Variants in FER observed in about 807,000 individuals in gnomAD.
FER encodes the protein FER tyrosine kinase, also known as tyrosine-protein kinase Fer.
A neutral mutation model predicts 111.0 loss-of-function variants in FER; 63 were observed. That is an observed-to-expected ratio of 0.57 (90% CI 0.46 to 0.70). The LOEUF (loss-of-function observed/expected upper bound fraction) is 0.70. FER is among the 30% of genes least tolerant of loss of function. The probability of loss-of-function intolerance (pLI) is 0.00; values close to 1 mark genes in which losing one functional copy is unlikely to be tolerated. For missense variants in FER, 914 were observed against 954.0 expected (o/e 0.96, Z 0.55); for synonymous variants, 327 against 313.9 (o/e 1.04, Z -0.44).
At chr5:108,930,911 G>T (rs1754578232) in intron 10 of FER, among the ~76,000 whole-genome samples, 1 of 151,832 alleles carries the variant, frequency 6.6e-6, no homozygotes, top group South Asian at 2.1e-4. Context: ...AACGCCCCTG[G>T]CCCAACTCAT....
At chr5:108,804,698 T>C (rs1366472906) in intron 3 of FER, among the ~76,000 whole-genome samples, 1 of 152,220 alleles carries the variant, frequency 6.6e-6, no homozygotes, top group African/African-American at 2.4e-5. Context: ...TGGATCATGA[T>C]GAATTAATTT....
At position 109,094,574 on chromosome 5, in the gene FER, C is replaced by T. The variant is rs138737509; in HGVS notation, c.1925-5822C>T. 5.9e-3 allele frequency among the ~76,000 whole-genome samples: 890 copies of T among 152,060 alleles called. 9 individuals carry two copies. Among genetic ancestry groups the T allele is most frequent in the Admixed American group, 8.8e-3 (134 of 15,256 alleles). On this transcript the variant is annotated intron_variant, in intron 16 of 19. Transcript: ENST00000281092. ...AGTGGTTGACAAATTTTTTTTATAA[C>T]GGGCCAGATAATAAAATGTTAAGGT...
At position 108,928,953 on chromosome 5, in the gene FER, A is replaced by G. The variant is rs1754176181; in HGVS notation, c.1237-17177A>G. 2.0e-5 allele frequency among the ~76,000 whole-genome samples: 3 copies of G among 152,152 alleles called. No homozygotes were observed. In the South Asian group the frequency reaches 6.2e-4, roughly 32 times the overall value. On this transcript the variant is annotated intron_variant, in intron 10 of 19. Coordinates refer to ENST00000281092, the MANE Select transcript of FER (RefSeq NM_005246.4). ...GTCTTTATAGTTTACTTTTTATTAT[A>G]TTTTTCTATGGATTTAAAAATGTTT...
At chr5:108,982,896 A>G (rs559070979) in intron 13 of FER, among the ~76,000 whole-genome samples, 75 of 152,094 alleles carry the variant, frequency 4.9e-4, no homozygotes, top group African/African-American at 1.8e-3. Context: ...TTTCTCATCC[A>G]TAAAATGGTG....
intron 18 of FER, 54 bp from the exon 19 acceptor site, chr5:109,186,146 T>C: frequency 5.0e-6 from 8 of 1,612,904 alleles, no homozygotes; most frequent in Non-Finnish European, 5.9e-6. Flanking sequence ...CCAGGAAGGG[T>C]CACCTACTTG....
chr5:108,850,289 T>G (rs754150795), intron 5 of FER, among the ~76,000 whole-genome samples: 1 of 152,178 alleles, frequency 6.6e-6, no homozygotes, highest in Non-Finnish European at 1.5e-5. Flanking sequence ...TTCTGTATGA[T>G]ATCTATAATA....
chr5:109,045,223 C>T (rs1375524291), intron 15 of FER, among the ~76,000 whole-genome samples: 3 of 151,550 alleles, frequency 2.0e-5, no homozygotes, highest in Non-Finnish European at 4.4e-5. Context: ...TTTCTGAGAA[C>T]CTCAGATTTC....
chr5:109,066,486 A>T (rs1011701686), intron 16 of FER, among the ~76,000 whole-genome samples: 1 of 152,158 alleles, frequency 6.6e-6, no homozygotes, highest in African/African-American at 2.4e-5. Context: ...TATACTTCTA[A>T]ATTCTTTTTA....
Position 109,194,582 on chromosome 5 carries a change from A to G in FER, c.*7007A>G, listed in dbSNP as rs961234015. 1 of 152,212 alleles carries G rather than the reference A, an allele frequency of 6.6e-6. No individual in the cohort carries two copies. The highest frequency in any genetic ancestry group is 6.5e-5 in the Admixed American group (1 of 15,272). 9.4% of individuals were successfully genotyped at this position (152,212 alleles called of 1,614,324 possible). ...GACAATAGAAATCCCACTTTACCCC[A>G]CTGTCATCAGTTAGAACACCCTTGC... On this transcript the variant is annotated 3_prime_UTR_variant, in exon 20 of 20. Transcript: ENST00000281092.
intron 13 of FER, among the ~76,000 whole-genome samples, chr5:108,971,291 A>C (rs1760628428): frequency 6.7e-6 from 1 of 150,314 alleles, no homozygotes; most frequent in African/African-American, 2.4e-5. Context: ...AAAAAAAAAA[A>C]AAAAACCCAG....
rs1756251748 is a variant in FER, at chr5:108,798,146, AC to A, written c.-36del. 1 of 1,515,434 alleles carries A rather than the reference AC, an allele frequency of 6.6e-7. No individual in the cohort carries two copies. Among genetic ancestry groups the A allele is most frequent in the Non-Finnish European group, 9.2e-7 (1 of 1,091,726 alleles). The allele number at this position is 1,515,434 out of a possible 1,614,324, so 93.9% of individuals were successfully genotyped here. On this transcript the variant is annotated 5_prime_UTR_variant, in exon 3 of 20. Transcript: ENST00000281092. ...CAGATATGTGCTGATTAGAAGGCTCACTTGTGCAGTGTGGAGGATAACCAGT... is the reference window on the plus strand; with the variant it reads ...CAGATATGTGCTGATTAGAAGGCTCATTGTGCAGTGTGGAGGATAACCAGT...
In FER at chr5:109,196,663, G is replaced by A. The variant is rs1014920949; in HGVS notation, c.*9088G>A. On this transcript the variant is annotated 3_prime_UTR_variant, in exon 20 of 20. Coordinates refer to ENST00000281092, the MANE Select transcript of FER (RefSeq NM_005246.4). ...CAAAAGAAATACACTTTGAACTTTG[G>A]CTAACATTGTAGGATATTTTTTAAT... The A allele has an allele frequency of 6.6e-6, 1 of 152,042 alleles. No individual in the cohort carries two copies. Among genetic ancestry groups the A allele is most frequent in the African/African-American group, 2.4e-5 (1 of 41,412 alleles). The allele number at this position is 152,042 out of a possible 1,614,324, so 9.4% of individuals were successfully genotyped here.
chr5:109,085,065 T>G (rs528990402), intron 16 of FER, among the ~76,000 whole-genome samples: 7 of 151,954 alleles, frequency 4.6e-5, no homozygotes, highest in African/African-American at 1.7e-4. Context: ...AGATCTTTTA[T>G]AGTTCTATGG....
chr5:108,781,938 C>G (rs927844769), intron 2 of FER, among the ~76,000 whole-genome samples: 1 of 151,568 alleles, frequency 6.6e-6, no homozygotes, highest in Non-Finnish European at 1.5e-5. Context: ...TTTTCCCCCA[C>G]CCTGTCATAC....
At chr5:108,930,339 C>A (rs1253648377) in intron 10 of FER, among the ~76,000 whole-genome samples, 1 of 112,670 alleles carries the variant, frequency 8.9e-6, no homozygotes, top group African/African-American at 3.9e-5. Flanking sequence ...CTTATCCCCT[C>A]CCCTCCCCGC....
At chr5:108,863,504 T>C (rs1763736359) in intron 5 of FER, among the ~76,000 whole-genome samples, 1 of 152,228 alleles carries the variant, frequency 6.6e-6, no homozygotes, top group Non-Finnish European at 1.5e-5. Flanking sequence ...AAAAATGCTA[T>C]TGTATTATTC....
chr5:109,151,857 C>T (rs2126693206), intron 17 of FER, among the ~76,000 whole-genome samples: 1 of 152,198 alleles, frequency 6.6e-6, no homozygotes, highest in South Asian at 2.1e-4. Flanking sequence ...TGTCTCATAA[C>T]TCGCAAAATC....
chr5:109,085,677 G>C (rs988818179), intron 16 of FER, among the ~76,000 whole-genome samples: 1 of 151,678 alleles, frequency 6.6e-6, no homozygotes, highest in Non-Finnish European at 1.5e-5. Context: ...TATGGTGATA[G>C]ATGTAGGTTC....
intron 3 of FER, among the ~76,000 whole-genome samples, chr5:108,810,909 A>T (rs887158677): frequency 2.0e-5 from 3 of 152,006 alleles, no homozygotes; most frequent in African/African-American, 7.3e-5. Flanking sequence ...CAGTCCGGGC[A>T]TGCAGGTTCT....
Sources: allele counts gnomAD v4.1 joint callset (sites outside exome capture counted in the v4.1 genomes callset), GRCh38; gene constraint gnomAD v4.1.1; transcripts MANE v1.5; gene names NCBI Gene and HGNC (gene_info 2026-07-23, HGNC 2026-07-21).